The following ZBTB20 variants were observed in gnomAD, a reference collection of about 807,000 sequenced individuals.
ZBTB20 encodes the protein zinc finger and BTB domain containing 20, also known as zinc finger and BTB domain-containing protein 20.
Under a neutral mutation model 56.9 loss-of-function variants are expected in ZBTB20, and 9 were observed. The observed-to-expected ratio is 0.16, with a 90% CI of 0.10 to 0.28. The LOEUF is 0.28. Among genes scored for constraint, ZBTB20 ranks in the 10% least tolerant of loss-of-function variants. The pLI is 1.00. For synonymous variants in ZBTB20, 417 were observed against 420.7 expected, an observed-to-expected ratio of 0.99 and a Z score of 0.11; for missense variants, 655 against 1,003.0, an observed-to-expected ratio of 0.65 and a Z score of 4.69.
chr3:114,560,286 C>T (rs1295663167), intron 6 of ZBTB20, among the ~76,000 whole-genome samples: 1 of 152,044 alleles, frequency 6.6e-6, no homozygotes, highest in African/African-American at 2.4e-5. Context: ...GCACATCTTC[C>T]CTGTAAGGTT....
At chr3:114,656,816 T>C (rs2060433887) in intron 6 of ZBTB20, among the ~76,000 whole-genome samples, 1 of 152,170 alleles carries the variant, frequency 6.6e-6, no homozygotes, top group African/African-American at 2.4e-5. Flanking sequence ...CAATCTCGGC[T>C]CACTGCAACC....
intron 7 of ZBTB20, among the ~76,000 whole-genome samples, chr3:114,437,412 T>C (rs779889396): frequency 4.6e-5 from 7 of 152,066 alleles, no homozygotes; most frequent in African/African-American, 7.2e-5. Flanking sequence ...ACAAAGACTA[T>C]CTCTCCATCA....
chr3:115,109,252 A>C (rs1270610637), intron 1 of ZBTB20, among the ~76,000 whole-genome samples: 1 of 152,182 alleles, frequency 6.6e-6, no homozygotes, highest in Non-Finnish European at 1.5e-5. Flanking sequence ...AAGGAAAGAG[A>C]AACTACAGAG....
chr3:115,147,267 GC>G lies in ZBTB20; in HGVS notation c.-752del, dbSNP rs1443460170. ...TTCCTCAACTCCTAAACTTCCCCCC[GC>G]CCCTACTTCTTCGGCAGAAGGCCCA... On this transcript the variant is annotated 5_prime_UTR_variant, in exon 1 of 12. Transcript: ENST00000675478. 1 of 144,598 alleles carries G rather than the reference GC, an allele frequency of 6.9e-6. No individual in the cohort carries two copies. The highest frequency in any genetic ancestry group is 2.2e-4 in the South Asian group (1 of 4,476). 9.0% of individuals were successfully genotyped at this position (144,598 alleles called of 1,614,324 possible).
rs1375019667 is a variant in ZBTB20 at position 114,326,073 on chromosome 3, CACAT to C, written c.*12928_*12931del. ...GTTTCTCTACTTAAGACTTCATGAA[CACAT>C]ACAGTCTTGAAATGGCTAGAAAAGC... On this transcript the variant is annotated 3_prime_UTR_variant, in exon 12 of 12. Coordinates refer to ENST00000675478, the MANE Select transcript of ZBTB20 (RefSeq NM_001348800.3). 6.6e-6 allele frequency: 1 copy of C among 152,046 alleles called. No individual in the cohort carries two copies. The highest frequency in any genetic ancestry group is 1.5e-5 in the Non-Finnish European group (1 of 68,010). 9.4% of individuals were successfully genotyped at this position (152,046 alleles called of 1,614,324 possible).
chr3:114,873,828 T>C (rs1286979890), intron 4 of ZBTB20: 1 of 152,186 alleles, frequency 6.6e-6, no homozygotes, highest in East Asian at 1.9e-4. Context: ...CGCTGTCCTC[T>C]AACAATCTAT....
intron 2 of ZBTB20, among the ~76,000 whole-genome samples, chr3:115,042,635 C>T (rs913198037): frequency 6.6e-6 from 1 of 152,188 alleles, no homozygotes; most frequent in Non-Finnish European, 1.5e-5. Context: ...TGAATTACCA[C>T]CCACTTACTG....
chr3:114,991,369 T>C (rs892837723), intron 2 of ZBTB20, among the ~76,000 whole-genome samples: 2 of 152,194 alleles, frequency 1.3e-5, no homozygotes, highest in Admixed American at 6.5e-5. Context: ...AGGTACCCAG[T>C]AGTCACTCAG....
chr3:114,887,764 T>C (rs896133075), intron 4 of ZBTB20, among the ~76,000 whole-genome samples: 1 of 152,174 alleles, frequency 6.6e-6, no homozygotes, highest in Admixed American at 6.5e-5. Context: ...CATAATTTAC[T>C]ACAGCAGCCA....
At position 114,446,791 on chromosome 3, in the gene ZBTB20, AACTCAG is replaced by A. The variant is rs1318885331; in HGVS notation, c.-255+53555_-255+53560del. 3.3e-5 allele frequency among the ~76,000 whole-genome samples: 5 copies of A among 152,266 alleles called. No individual in the cohort carries two copies. In the East Asian group the frequency reaches 9.7e-4, roughly 29 times the overall value. ...CTCTCTATTTTCCTGGACTGTATCA[AACTCAG>A]ACACGTGGTATGCAAAGGAAATCCA... On this transcript the variant is annotated intron_variant, in intron 7 of 11. Coordinates refer to ENST00000675478, the MANE Select transcript of ZBTB20 (RefSeq NM_001348800.3).
intron 2 of ZBTB20, among the ~76,000 whole-genome samples, chr3:115,053,927 A>T (rs1316306733): frequency 1.3e-5 from 2 of 152,130 alleles, no homozygotes; most frequent in African/African-American, 2.4e-5. Flanking sequence ...TTATATTGCA[A>T]AAAACTCTCC....
chr3:114,854,950 T>G (rs1027938550), intron 4 of ZBTB20, among the ~76,000 whole-genome samples: 1 of 152,204 alleles, frequency 6.6e-6, no homozygotes, highest in African/African-American at 2.4e-5. Flanking sequence ...TCCAATAGTT[T>G]CTCTGCTTCA....
intron 2 of ZBTB20, among the ~76,000 whole-genome samples, chr3:115,007,940 C>G (rs568236692): frequency 6.6e-6 from 1 of 151,954 alleles, no homozygotes; most frequent in East Asian, 2.0e-4. Flanking sequence ...TTCTCCTGCC[C>G]TTTTCTCTTC....
chr3:114,730,380 C>T (rs2065645746), intron 5 of ZBTB20, among the ~76,000 whole-genome samples: 1 of 152,156 alleles, frequency 6.6e-6, no homozygotes, highest in South Asian at 2.1e-4. Flanking sequence ...TATGCTTAAA[C>T]ACCTTGGTCT....
chr3:114,430,841 G>C (rs894407928), intron 7 of ZBTB20, among the ~76,000 whole-genome samples: 10 of 152,164 alleles, frequency 6.6e-5, no homozygotes, highest in African/African-American at 2.4e-4. Flanking sequence ...ATATTTAAAG[G>C]TGAGCACATA....
At chr3:114,557,852 A>C (rs1011622296) in intron 6 of ZBTB20, among the ~76,000 whole-genome samples, 4 of 152,030 alleles carry the variant, frequency 2.6e-5, no homozygotes, top group African/African-American at 9.7e-5. Context: ...AAAATAAATT[A>C]TTATTTTTAC....
At chr3:114,921,412 C>A (rs1424132428) in intron 3 of ZBTB20, among the ~76,000 whole-genome samples, 1 of 151,966 alleles carries the variant, frequency 6.6e-6, no homozygotes, top group South Asian at 2.1e-4. Flanking sequence ...TGTGAGCCAC[C>A]GTGCCTGGCA....
chr3:114,346,043 T>C (rs1438624908), intron 11 of ZBTB20, among the ~76,000 whole-genome samples: 2 of 152,204 alleles, frequency 1.3e-5, no homozygotes, highest in African/African-American at 4.8e-5. Context: ...CTGCAGTAAG[T>C]GAATGAAAGA....
At chr3:114,377,213 T>C (rs1239686882) in intron 10 of ZBTB20, among the ~76,000 whole-genome samples, 1 of 152,186 alleles carries the variant, frequency 6.6e-6, no homozygotes, top group African/African-American at 2.4e-5. Flanking sequence ...CATGTGAATT[T>C]GCTTACCATT....
Sources: gnomAD v4.1 joint callset for allele counts (sites outside exome capture counted in the v4.1 genomes callset) on GRCh38, gnomAD v4.1.1 for gene constraint, MANE v1.5 for transcripts, NCBI Gene and HGNC (gene_info 2026-07-23, HGNC 2026-07-21) for gene names.